Variants in ARV1 observed in about 807,000 individuals in gnomAD.
The protein encoded by ARV1 is ARV1 fatty acid homeostasis modulator, also known as protein ARV1.
A neutral mutation model predicts 31.1 loss-of-function variants in ARV1; 26 were observed. The ratio of observed to expected loss-of-function variants is 0.84; its 90% CI spans 0.61 to 1.16. The LOEUF (loss-of-function observed/expected upper bound fraction) is 1.16, where lower values mean the gene tolerates loss of function less well. ARV1 is among the 50% of genes most tolerant of loss of function. The pLI, the probability that ARV1 is intolerant of heterozygous loss-of-function variation, is 0.00. For synonymous variants in ARV1, 117 were observed against 123.2 expected, an observed-to-expected ratio of 0.95 and a Z score of 0.34; for missense variants, 281 against 324.9, an observed-to-expected ratio of 0.86 and a Z score of 1.04.
At chr1:230,999,384 C>T (rs1031021513) in intron 5 of ARV1, among the ~76,000 whole-genome samples, 1 of 152,216 alleles carries the variant, frequency 6.6e-6, no homozygotes, top group Non-Finnish European at 1.5e-5. Flanking sequence ...CATACTGCTG[C>T]CATGTAAGTC....
chr1:230,979,375 C>A lies in ARV1; in HGVS notation c.174+96C>A, dbSNP rs898643782. ...GGGTCCTCTGATACAGTCTTTAGTT[C>A]GGTAGTTGACATTCCCGCCCGGGAT... On this transcript the variant is annotated intron_variant, in intron 1 of 5. Coordinates refer to ENST00000310256, the MANE Select transcript of ARV1 (RefSeq NM_022786.3). 14 of 1,378,424 alleles carry A rather than the reference C, an allele frequency of 1.0e-5. No individual in the cohort carries two copies. The African/African-American group carries it at 2.1e-4, about 20-fold the overall frequency. 85.4% of individuals were successfully genotyped at this position (1,378,424 alleles called of 1,614,324 possible).
chr1:230,991,414 C>G (rs1249580213), intron 3 of ARV1, among the ~76,000 whole-genome samples: 3 of 152,154 alleles, frequency 2.0e-5, no homozygotes, highest in Admixed American at 6.5e-5. Flanking sequence ...TCTGCCTTCT[C>G]AACATCACCA....
intron 1 of ARV1, among the ~76,000 whole-genome samples, chr1:230,982,894 C>A (rs1262281403): frequency 6.6e-6 from 1 of 152,086 alleles, no homozygotes; most frequent in African/African-American, 2.4e-5. Context: ...ATACTTTGGT[C>A]TCTTCCCTGC....
intron 3 of ARV1, among the ~76,000 whole-genome samples, chr1:230,992,839 C>T (rs1420962523): frequency 4.6e-5 from 7 of 152,160 alleles, no homozygotes; most frequent in Admixed American, 3.9e-4. Flanking sequence ...AAAATCTCCG[C>T]CTCCATTATT....
chr1:230,989,212 C>T (rs1203755344), intron 2 of ARV1, among the ~76,000 whole-genome samples: 1 of 152,134 alleles, frequency 6.6e-6, no homozygotes, highest in Non-Finnish European at 1.5e-5. Context: ...GATCTCGGCT[C>T]ACTGCAGCCT....
rs530834941 is a variant in ARV1, at chr1:230,998,312, G to A, written c.*4+1045G>A. On this transcript the variant is annotated intron_variant, in intron 5 of 5. Transcript: ENST00000310256. ...GCTGCGCTTTGGTCTCTCCCTCCTC[G>A]CTGTTACATCCTCCTTGCAAGTAGC... Among the ~76,000 whole-genome samples the A allele has an allele frequency of 7.2e-5, 11 of 152,206 alleles. No individual in the cohort carries two copies. The South Asian group carries it at 1.9e-3, about 26-fold the overall frequency.
At chr1:230,997,357 A>C in intron 5 of ARV1, 90 bp downstream of exon 5, 2 of 1,466,418 alleles carry the variant, frequency 1.4e-6, no homozygotes, top group South Asian at 2.5e-5. Flanking sequence ...GTGCCCTTAC[A>C]TAACCCATTC....
chr1:230,997,316 A>G, intron 5 of ARV1, 49 bp downstream of exon 5: 1 of 1,585,342 alleles, frequency 6.3e-7, no homozygotes, highest in Non-Finnish European at 8.6e-7. Flanking sequence ...AGCCTTCTCA[A>G]ATAAGACAGA....
At chr1:230,991,315 C>T (rs1451652308) in intron 3 of ARV1, among the ~76,000 whole-genome samples, 1 of 152,146 alleles carries the variant, frequency 6.6e-6, no homozygotes, top group Non-Finnish European at 1.5e-5. Flanking sequence ...TCTCTGTCTG[C>T]TCTCGCTCTC....
intron 1 of ARV1, among the ~76,000 whole-genome samples, chr1:230,980,589 C>G (rs1045323704): frequency 4.6e-5 from 7 of 152,244 alleles, no homozygotes; most frequent in Middle Eastern, 3.4e-3. Flanking sequence ...CCACCTCGGC[C>G]TCCCAAAGTG....
intron 5 of ARV1, 75 bp downstream of exon 5, chr1:230,997,342 A>G (rs900017658): frequency 2.0e-6 from 3 of 1,532,208 alleles, no homozygotes; most frequent in Non-Finnish European, 2.7e-6. Context: ...TTGTAAAAGA[A>G]GTCGGTGCCC....
rs1208969762 is a variant in ARV1, at chr1:230,999,026, A to G, written c.*5-1112A>G. On this transcript the variant is annotated intron_variant, in intron 5 of 5. Transcript: ENST00000310256. ...TGGCTCCTGCTGAAACAGGCCACCC[A>G]GTCCCTTCCCATTAGATCTTTCTTC... 2.0e-5 allele frequency among the ~76,000 whole-genome samples: 3 copies of G among 152,264 alleles called. No homozygotes were observed. The South Asian group carries it at 6.2e-4, about 32-fold the overall frequency.
intron 5 of ARV1, among the ~76,000 whole-genome samples, 168 bp downstream of exon 5, chr1:230,997,435 GTCT>G (rs1384890228): frequency 6.6e-6 from 1 of 152,134 alleles, no homozygotes; most frequent in African/African-American, 2.4e-5. Flanking sequence ...GCCCCCAGGG[GTCT>G]TCACTTTAGT....
chr1:230,989,441 C>T (rs934000355), intron 2 of ARV1, among the ~76,000 whole-genome samples: 2 of 152,154 alleles, frequency 1.3e-5, no homozygotes, highest in Non-Finnish European at 2.9e-5. Flanking sequence ...CCAGCTCTTC[C>T]TCACTTTATA....
chr1:231,000,102 A>G (rs1158311325), intron 5 of ARV1, 36 bp from the exon 6 acceptor site: 3 of 152,230 alleles, frequency 2.0e-5, no homozygotes, highest in African/African-American at 7.2e-5. Flanking sequence ...TTTCAGCAGA[A>G]TGTGGCATTC....
intron 1 of ARV1, among the ~76,000 whole-genome samples, chr1:230,985,216 G>A (rs1159051226): frequency 2.6e-5 from 4 of 152,064 alleles, no homozygotes; most frequent in Non-Finnish European, 4.4e-5. Context: ...CATGCCGAAT[G>A]CTAAGAAGGG....
Position 230,986,666 on chromosome 1 carries a change from C to CTTTTTTT in ARV1, c.175-1653_175-1652insTTTTTTT, listed in dbSNP as rs1558242688. Among the ~76,000 whole-genome samples the CTTTTTTT allele has an allele frequency of 1.1e-4, 9 of 79,692 alleles. 1 individual carries two copies. The highest frequency in any genetic ancestry group is 4.9e-4 in the South Asian group (1 of 2,048). The allele number at this position is 79,692 out of a possible 152,430, so 52.3% of individuals were successfully genotyped here. A position where few individuals can be genotyped will look rare whatever the true frequency, so the allele number is the denominator to read the frequency against. ...TCCACCCACAAATGTAATACTTTTC[C>CTTTTTTT]TATTTTTTTTTTTTTTTTTTTTTTT... On this transcript the variant is annotated intron_variant, in intron 1 of 5. Transcript: ENST00000310256.
intron 4 of ARV1, among the ~76,000 whole-genome samples, chr1:230,996,916 G>T (rs1309339789): frequency 4.6e-5 from 7 of 152,128 alleles, no homozygotes. Context: ...AGGAGAAGGG[G>T]CTCAGTGTTT....
At chr1:230,995,172 G>C (rs2103055320) in intron 3 of ARV1, among the ~76,000 whole-genome samples, 1 of 152,296 alleles carries the variant, frequency 6.6e-6, no homozygotes, top group Middle Eastern at 3.4e-3. Context: ...GGACACAGTG[G>C]AACTATTGCT....
Sources: allele counts gnomAD v4.1 joint callset (sites outside exome capture counted in the v4.1 genomes callset), GRCh38; gene constraint gnomAD v4.1.1; transcripts MANE v1.5; gene names NCBI Gene and HGNC (gene_info 2026-07-23, HGNC 2026-07-21).